Variants in CLSTN2 observed in about 807,000 individuals in gnomAD.
CLSTN2 encodes the protein calsyntenin-2.
A neutral mutation model predicts 101.2 loss-of-function variants in CLSTN2; 48 were observed. The ratio of observed to expected loss-of-function variants is 0.47; its 90% CI spans 0.38 to 0.60. The LOEUF is 0.60. Ranked by LOEUF, CLSTN2 falls within the 20% of genes least tolerant of loss-of-function variation. CLSTN2 has a pLI of 0.00. For synonymous variants in CLSTN2, 481 were observed against 463.6 expected (o/e 1.04, Z -0.48); for missense variants, 1,160 against 1,238.2 (o/e 0.94, Z 0.95).
At chr3:140,309,086 C>T (rs187261649) in intron 2 of CLSTN2, among the ~76,000 whole-genome samples, 274 of 152,266 alleles carry the variant, frequency 1.8e-3, no homozygotes, top group Non-Finnish European at 3.5e-3. Context: ...TTCTCTGTTC[C>T]CTACTCTCAT....
Position 140,542,115 on chromosome 3 carries a change from T to C in CLSTN2, c.1508-4400T>C, listed in dbSNP as rs958704837. Among the ~76,000 whole-genome samples, 4 of 152,234 alleles carry C rather than the reference T, an allele frequency of 2.6e-5. No homozygotes were observed. In the South Asian group the frequency reaches 8.3e-4, roughly 31 times the overall value. On this transcript the variant is annotated intron_variant, in intron 9 of 16. Coordinates refer to ENST00000458420, the MANE Select transcript of CLSTN2 (RefSeq NM_022131.3). Reference sequence around the variant, plus strand: ...AAGAACTTGTCATGTTTCAAGGGCCTAACAAATGATGGTTATTTTTTTTCC... The same window carrying C: ...AAGAACTTGTCATGTTTCAAGGGCCCAACAAATGATGGTTATTTTTTTTCC...
At chr3:140,500,930 A>G (rs1180057091) in intron 8 of CLSTN2, among the ~76,000 whole-genome samples, 1 of 152,224 alleles carries the variant, frequency 6.6e-6, no homozygotes, top group Non-Finnish European at 1.5e-5. Flanking sequence ...GTATAAATAA[A>G]TAAATAATAC....
intron 1 of CLSTN2, among the ~76,000 whole-genome samples, chr3:140,099,696 T>G (rs986978082): frequency 2.0e-5 from 3 of 152,140 alleles, no homozygotes; most frequent in African/African-American, 7.2e-5. Context: ...GAAGCTATAT[T>G]TATAGTTGGA....
At chr3:140,045,529 G>GTTCTGCTAGTTATTTCTTGTC (rs1326740605) in intron 1 of CLSTN2, among the ~76,000 whole-genome samples, 2 of 151,702 alleles carry the variant, frequency 1.3e-5, no homozygotes, top group Admixed American at 1.3e-4. Flanking sequence ...ATCTCCTTCA[G>GTTCTGCTAGTTATTTCTTGTC]TTCTGCTAGT....
chr3:140,314,804 C>G (rs766561437), intron 2 of CLSTN2, among the ~76,000 whole-genome samples: 9 of 152,052 alleles, frequency 5.9e-5, no homozygotes, highest in African/African-American at 9.7e-5. Flanking sequence ...ATCAGGCCCA[C>G]TCATTGGTTT....
chr3:140,142,208 G>C (rs4638924), intron 1 of CLSTN2, among the ~76,000 whole-genome samples: 1 of 152,044 alleles, frequency 6.6e-6, no homozygotes, highest in Non-Finnish European at 1.5e-5. Flanking sequence ...GGCTCATGTT[G>C]CTTCCTTCGT....
At chr3:140,001,294 C>A (rs1427581784) in intron 1 of CLSTN2, among the ~76,000 whole-genome samples, 1 of 151,994 alleles carries the variant, frequency 6.6e-6, no homozygotes, top group Admixed American at 6.6e-5. Flanking sequence ...TCCACTTTAG[C>A]ATTGCTATCT....
At chr3:140,075,621 C>G (rs1438193666) in intron 1 of CLSTN2, among the ~76,000 whole-genome samples, 1 of 152,166 alleles carries the variant, frequency 6.6e-6, no homozygotes, top group African/African-American at 2.4e-5. Flanking sequence ...GTGTCAATTT[C>G]TCCATTTCAC....
intron 2 of CLSTN2, among the ~76,000 whole-genome samples, chr3:140,299,048 G>C (rs994764042): frequency 1.3e-5 from 2 of 152,142 alleles, no homozygotes; most frequent in African/African-American, 4.8e-5. Context: ...TGTCACCTGG[G>C]CTCTCCAGTG....
chr3:140,370,616 G>C (rs1285192180), intron 2 of CLSTN2, among the ~76,000 whole-genome samples: 18 of 152,144 alleles, frequency 1.2e-4, no homozygotes, highest in Non-Finnish European at 2.6e-4. Flanking sequence ...AACTCCACTG[G>C]TCTGAGAGAA....
chr3:140,314,495 T>C (rs75748157), intron 2 of CLSTN2, among the ~76,000 whole-genome samples: 5,756 of 152,200 alleles, frequency 0.038, 232 homozygotes, highest in South Asian at 0.099. Context: ...GCCACTCCCC[T>C]AGAGGCCTCA....
At chr3:140,392,759 T>C (rs575747657) in intron 2 of CLSTN2, among the ~76,000 whole-genome samples, 83 of 152,234 alleles carry the variant, frequency 5.5e-4, no homozygotes, top group African/African-American at 1.9e-3. Flanking sequence ...AAAATAAATT[T>C]AAAAAGTAGA....
In CLSTN2 at chr3:140,522,405, A is replaced by G. The variant is rs577814739; in HGVS notation, c.1345-9919A>G. Among the ~76,000 whole-genome samples, 4 of 152,338 alleles carry G rather than the reference A, an allele frequency of 2.6e-5. No homozygotes were observed. The East Asian group carries it at 7.7e-4, about 29-fold the overall frequency. On this transcript the variant is annotated intron_variant, in intron 8 of 16. Transcript: ENST00000458420. ...AGGCCGTATGGCCTCGCAAGTCTTAAGAGAATCTGGTTTGCATGGTTCCAA... is the reference window on the plus strand; with the variant it reads ...AGGCCGTATGGCCTCGCAAGTCTTAGGAGAATCTGGTTTGCATGGTTCCAA...
chr3:140,413,357 A>C (rs142204880), intron 4 of CLSTN2, among the ~76,000 whole-genome samples: 2 of 152,190 alleles, frequency 1.3e-5, no homozygotes, highest in African/African-American at 4.8e-5. Context: ...AGGAAATGAG[A>C]ATCTGAACAG....
chr3:140,075,709 G>A (rs2008475518), intron 1 of CLSTN2, among the ~76,000 whole-genome samples: 1 of 152,130 alleles, frequency 6.6e-6, no homozygotes. Context: ...GGATGCAGAA[G>A]GAACGTGGTC....
At chr3:140,131,321 A>G (rs538587244) in intron 1 of CLSTN2, among the ~76,000 whole-genome samples, 15 of 152,102 alleles carry the variant, frequency 9.9e-5, no homozygotes, top group African/African-American at 2.6e-4. Flanking sequence ...TTTTAATGCA[A>G]TGATTCTCTA....
intron 2 of CLSTN2, among the ~76,000 whole-genome samples, chr3:140,370,640 G>C (rs964064583): frequency 1.3e-5 from 2 of 152,110 alleles, no homozygotes; most frequent in African/African-American, 4.8e-5. Context: ...TATTTACTCG[G>C]CATGCCCTCA....
At chr3:140,435,923 AT>A (rs2088681699) in intron 5 of CLSTN2, among the ~76,000 whole-genome samples, 1 of 152,066 alleles carries the variant, frequency 6.6e-6, no homozygotes, top group African/African-American at 2.4e-5. Context: ...AATTCCTAGA[AT>A]TTTTTTCCTG....
chr3:139,957,888 G>T (rs757606655), intron 1 of CLSTN2, among the ~76,000 whole-genome samples: 45 of 152,120 alleles, frequency 3.0e-4, no homozygotes, highest in African/African-American at 5.8e-4. Context: ...ACTTTCTTGG[G>T]CACTCACAGT....
Sources: allele counts gnomAD v4.1 joint callset (sites outside exome capture counted in the v4.1 genomes callset), GRCh38; gene constraint gnomAD v4.1.1; transcripts MANE v1.5; gene names NCBI Gene and HGNC (gene_info 2026-07-23, HGNC 2026-07-21).